Variants in PICALM observed in about 807,000 individuals in gnomAD.
PICALM encodes the protein phosphatidylinositol binding clathrin assembly protein.
In PICALM, 40 loss-of-function variants were observed where a neutral mutation model predicts 80.5. The observed-to-expected ratio is 0.50, with a 90% CI of 0.39 to 0.65. The LOEUF is 0.65. Ranked by LOEUF, PICALM falls within the 30% of genes least tolerant of loss-of-function variation. The probability of loss-of-function intolerance (pLI) is 0.00; values close to 1 mark genes in which losing one functional copy is unlikely to be tolerated. For synonymous variants in PICALM, 288 were observed against 260.3 expected (o/e 1.11, Z -1.02); for missense variants, 676 against 778.9 (o/e 0.87, Z 1.57).
intron 12 of PICALM, among the ~76,000 whole-genome samples, chr11:85,991,963 C>A (rs1168076878): frequency 1.3e-5 from 2 of 152,066 alleles, no homozygotes; most frequent in African/African-American, 4.8e-5. Flanking sequence ...TCAAGTGATG[C>A]TCCCACCTCA....
chr11:85,974,873 A>T (rs956069924), intron 18 of PICALM, 61 bp from the exon 19 acceptor site: 3 of 1,132,770 alleles, frequency 2.6e-6, no homozygotes, highest in Non-Finnish European at 4.0e-6. Flanking sequence ...TGACTAAGTA[A>T]ATAACAATGA....
intron 4 of PICALM, among the ~76,000 whole-genome samples, chr11:86,016,134 A>AT (rs778773160): frequency 2.6e-5 from 4 of 152,062 alleles, no homozygotes; most frequent in African/African-American, 7.2e-5. Flanking sequence ...TACTGATGTC[A>AT]TTTTTTTACC....
At chr11:86,002,253 T>G (rs750315396) in intron 9 of PICALM, among the ~76,000 whole-genome samples, 2 of 152,206 alleles carry the variant, frequency 1.3e-5, no homozygotes, top group Non-Finnish European at 2.9e-5. Flanking sequence ...GGATTAAAAA[T>G]GAGTACTAAA....
chr11:86,009,979 G>A (rs2095363113), intron 7 of PICALM, among the ~76,000 whole-genome samples: 1 of 152,144 alleles, frequency 6.6e-6, no homozygotes, highest in African/African-American at 2.4e-5. Flanking sequence ...CTGTCCTATT[G>A]CATCTAATAT....
In PICALM at chr11:86,022,446, TAATA is replaced by T; in HGVS notation, c.369_372del (p.Phe123LeufsTer8). 1 of 1,566,072 alleles carries T rather than the reference TAATA, an allele frequency of 6.4e-7. No homozygotes were observed. The highest frequency in any genetic ancestry group is 8.7e-7 in the Non-Finnish European group (1 of 1,154,046). ...TCATTTAAATATCTACTATACCGCC[TAATA>T]AATGTAGACATGTCATATCCTGTAA... is the stretch of plus-strand genomic sequence containing the variant. On this transcript the variant is annotated frameshift_variant, in exon 4 of 20. Coordinates refer to ENST00000393346, the MANE Select transcript of PICALM (RefSeq NM_007166.4). LOFTEE classifies it high-confidence loss of function.
At position 86,026,358 on chromosome 11, in the gene PICALM, G is replaced by A; in HGVS notation, c.283C>T (p.Gln95Ter). The change falls in exon 3 of 20, where the codon CAG becomes TAG. Residue 95 changes from glutamine (Q) to a stop codon, truncating the protein, a stop_gained. Transcript: ENST00000393346. LOFTEE classifies it high-confidence loss of function. ...LMVYGNERFIQYLASRNTLFN... is the reference protein window; with the variant it reads ...LMVYGNERFI ...AACGTGTTTCTTGAAGCCAAATACT[G>A]AATAAAACGCTGGAAAAAAAAAATT... 6.3e-7 allele frequency: 1 copy of A among 1,597,518 alleles called. No homozygotes were observed.
intron 19 of PICALM, among the ~76,000 whole-genome samples, chr11:85,961,725 C>T (rs1237384290): frequency 6.6e-6 from 1 of 152,134 alleles, no homozygotes; most frequent in African/African-American, 2.4e-5. Flanking sequence ...ACAAAATGAG[C>T]TTTTCTTTTA....
At chr11:86,005,845 GT>G (rs2095265219) in intron 8 of PICALM, among the ~76,000 whole-genome samples, 1 of 151,370 alleles carries the variant, frequency 6.6e-6, no homozygotes, top group African/African-American at 2.4e-5. Context: ...TCCCTAAAGT[GT>G]AAATAGCTTT....
At chr11:85,972,678 T>C (rs571593170) in intron 19 of PICALM, among the ~76,000 whole-genome samples, 1 of 152,346 alleles carries the variant, frequency 6.6e-6, no homozygotes, top group Non-Finnish European at 1.5e-5. Context: ...TAATAAGTTT[T>C]TAGCATGGAC....
chr11:85,977,522 C>A (rs1035770466), intron 17 of PICALM, among the ~76,000 whole-genome samples: 1 of 152,074 alleles, frequency 6.6e-6, no homozygotes, highest in African/African-American at 2.4e-5. Flanking sequence ...ACTGCTAAAA[C>A]ATAAAATAAC....
At chr11:86,006,330 A>G (rs746427742) in intron 8 of PICALM, among the ~76,000 whole-genome samples, 2 of 152,186 alleles carry the variant, frequency 1.3e-5, no homozygotes, top group African/African-American at 2.4e-5. Context: ...AAACTCAATA[A>G]TAACTGTTAA....
rs1263552225 is a variant in PICALM, at chr11:85,957,545, T to C, written c.*1501A>G. The stretch of plus-strand genomic sequence containing the variant: ...AGAGACATCTTTTTGAAAATTCATA[T>C]AAAACAAACCTTCCATGTTATTAGA... On this transcript the variant is annotated 3_prime_UTR_variant, in exon 20 of 20. Transcript: ENST00000393346. The C allele has an allele frequency of 1.1e-5, 2 of 185,372 alleles. No homozygotes were observed. Among genetic ancestry groups the C allele is most frequent in the Non-Finnish European group, 2.3e-5 (2 of 87,606 alleles). The allele number at this position is 185,372 out of a possible 1,614,324, so 11.5% of individuals were successfully genotyped here. A position where few individuals can be genotyped will look rare whatever the true frequency, so the allele number is the denominator to read the frequency against.
At chr11:85,984,522 T>A (rs1211035532) in intron 13 of PICALM, among the ~76,000 whole-genome samples, 2 of 152,162 alleles carry the variant, frequency 1.3e-5, no homozygotes, top group Non-Finnish European at 2.9e-5. Flanking sequence ...AACTCACTAA[T>A]CCTTATGTCC....
At chr11:85,963,393 TA>T (rs1400803904) in intron 19 of PICALM, among the ~76,000 whole-genome samples, 3 of 152,166 alleles carry the variant, frequency 2.0e-5, no homozygotes, top group Non-Finnish European at 4.4e-5. Context: ...AAAGAGCCTT[TA>T]CCTATTTACT....
rs914236260 is a variant in PICALM at position 85,957,260 on chromosome 11, C to A, written c.*1786G>T. Among the ~76,000 whole-genome samples, 8 of 152,110 alleles carry A rather than the reference C, an allele frequency of 5.3e-5. No individual in the cohort carries two copies. Among genetic ancestry groups the A allele is most frequent in the Non-Finnish European group, 7.4e-5 (5 of 68,004 alleles). ...GACTACATTTTTTCTCCAATCACAG[C>A]AAATATTATGAGACACTTATCAATG... On this transcript the variant is annotated 3_prime_UTR_variant, in exon 20 of 20. Coordinates refer to ENST00000393346, the MANE Select transcript of PICALM (RefSeq NM_007166.4).
Position 85,981,221 on chromosome 11 carries a change from T to C in PICALM, c.1687A>G (p.Asn563Asp), listed in dbSNP as rs776447091. ...TTCTTTTCACCTGGTTGACTCCAAT[T>C]TACATCACTTTAAATAAACATAAGT... ...IGNGTTKNDV[N>D]WSQPGEKKLT... The change falls in exon 17 of 20, where the codon AAT (asparagine) becomes GAT (aspartate). Residue 563 changes from asparagine (N) to aspartate (D), a missense_variant. Physicochemically the swap from Asn to Asp is conservative, Grantham distance 23. Around this residue, in one of 2 missense-constraint regions of PICALM, gnomAD observed 391 missense variants for 383.6 expected, o/e 1.02. Transcript: ENST00000393346. 1 of 1,534,644 alleles carries C rather than the reference T, an allele frequency of 6.5e-7. No homozygotes were observed. Among genetic ancestry groups the C allele is most frequent in the Non-Finnish European group, 9.0e-7 (1 of 1,107,538 alleles).
intron 19 of PICALM, among the ~76,000 whole-genome samples, chr11:85,974,208 ACTC>A (rs1311077106): frequency 6.6e-6 from 1 of 151,888 alleles, no homozygotes; most frequent in African/African-American, 2.4e-5. Context: ...AAGCTTTTTG[ACTC>A]CTTTTTTTGG....
intron 19 of PICALM, chr11:85,960,585 A>G: frequency 1.9e-6 from 1 of 528,554 alleles, no homozygotes; most frequent in South Asian, 1.6e-5. Flanking sequence ...AGTCCTTTAA[A>G]GAAATGAAAG....
chr11:86,025,235 A>G (rs1425240631), intron 3 of PICALM, among the ~76,000 whole-genome samples: 2 of 152,126 alleles, frequency 1.3e-5, no homozygotes, highest in Non-Finnish European at 2.9e-5. Context: ...CCCCATCTCT[A>G]CTAAAGATAC....
Sources: gnomAD v4.1 joint callset for allele counts (sites outside exome capture counted in the v4.1 genomes callset) on GRCh38, gnomAD v4.1.1 for gene constraint, gnomAD v4.1.1 regional missense constraint, MANE v1.5 for transcripts, NCBI Gene and HGNC (gene_info 2026-07-23, HGNC 2026-07-21) for gene names.